Variants in GRID2 observed in about 807,000 individuals in gnomAD.
GRID2 encodes the protein glutamate receptor ionotropic, delta-2.
GRID2 carries 33 observed loss-of-function variants against 114.8 expected under a neutral mutation model. The ratio of observed to expected loss-of-function variants is 0.29; its 90% confidence interval spans 0.22 to 0.38. GRID2 has a LOEUF of 0.38. Ranked by LOEUF, GRID2 falls within the 10% of genes least tolerant of loss-of-function variation. The pLI is 1.00. For synonymous variants in GRID2, 505 were observed against 449.9 expected (o/e 1.12, Z -1.55); for missense variants, 1,184 against 1,257.7 (o/e 0.94, Z 0.89).
At chr4:93,485,837 C>T (rs1726336176) in intron 11 of GRID2, among the ~76,000 whole-genome samples, 3 of 151,626 alleles carry the variant, frequency 2.0e-5, no homozygotes, top group Non-Finnish European at 4.4e-5. Flanking sequence ...ACTTTTGCAA[C>T]TTCATATAAA....
intron 1 of GRID2, among the ~76,000 whole-genome samples, chr4:93,782,112 C>T (rs1380588683): frequency 6.6e-6 from 1 of 152,058 alleles, no homozygotes; most frequent in African/African-American, 2.4e-5. Context: ...TCCCACATGG[C>T]GAATACTCAG....
chr4:93,371,052 G>A (rs1049247957), intron 8 of GRID2, among the ~76,000 whole-genome samples: 2 of 152,148 alleles, frequency 1.3e-5, no homozygotes, highest in Non-Finnish European at 2.9e-5. Context: ...AGAGAAAGAT[G>A]CATTGAATCG....
intron 2 of GRID2, among the ~76,000 whole-genome samples, chr4:92,794,899 T>C (rs1365945117): frequency 6.6e-5 from 9 of 136,706 alleles, no homozygotes; most frequent in South Asian, 2.4e-4. Context: ...TATATATATA[T>C]ATATATACAC....
intron 11 of GRID2, among the ~76,000 whole-genome samples, chr4:93,482,532 C>T (rs1465085783): frequency 1.3e-5 from 2 of 151,554 alleles, no homozygotes; most frequent in Non-Finnish European, 2.9e-5. Flanking sequence ...CGGGGCGTGT[C>T]GAGGGTTGTG....
intron 14 of GRID2, among the ~76,000 whole-genome samples, chr4:93,758,191 C>T (rs958202811): frequency 7.2e-5 from 11 of 152,192 alleles, no homozygotes; most frequent in African/African-American, 2.4e-4. Context: ...AAATACAATA[C>T]ATCTAAAAAT....
At chr4:92,631,127 A>G (rs1433645562) in intron 2 of GRID2, among the ~76,000 whole-genome samples, 2 of 152,212 alleles carry the variant, frequency 1.3e-5, no homozygotes, top group Middle Eastern at 3.4e-3. Context: ...CAAAATTCAG[A>G]TATCTGCTAA....
intron 6 of GRID2, among the ~76,000 whole-genome samples, chr4:93,223,376 A>C (rs1316587839): frequency 6.6e-6 from 1 of 152,168 alleles, no homozygotes; most frequent in African/African-American, 2.4e-5. Flanking sequence ...ACAAACACAA[A>C]GGATTGAAGA....
At chr4:92,527,489 G>A (rs900900845) in intron 1 of GRID2, among the ~76,000 whole-genome samples, 2 of 152,062 alleles carry the variant, frequency 1.3e-5, no homozygotes, top group African/African-American at 4.8e-5. Flanking sequence ...GGAAGAAGTA[G>A]CAGGAAAAGG....
At chr4:92,622,606 A>G (rs926644494) in intron 2 of GRID2, among the ~76,000 whole-genome samples, 9 of 151,554 alleles carry the variant, frequency 5.9e-5, no homozygotes, top group Non-Finnish European at 1.3e-4. Flanking sequence ...TTTTTAAAAA[A>G]GATTTCCTAA....
intron 1 of GRID2, among the ~76,000 whole-genome samples, chr4:92,545,591 G>A (rs1289713493): frequency 6.6e-6 from 1 of 152,134 alleles, no homozygotes; most frequent in East Asian, 1.9e-4. Context: ...TTCAAAATGG[G>A]AGGCAGGTAA....
intron 13 of GRID2, among the ~76,000 whole-genome samples, chr4:93,588,773 A>T (rs1238133425): frequency 1.3e-5 from 2 of 152,172 alleles, no homozygotes; most frequent in South Asian, 2.1e-4. Context: ...GTTTAAAAAT[A>T]CTTGCATTCC....
chr4:93,446,981 T>G (rs747258554), intron 10 of GRID2, among the ~76,000 whole-genome samples: 1 of 151,712 alleles, frequency 6.6e-6, no homozygotes, highest in Non-Finnish European at 1.5e-5. Context: ...AACTCCAAAA[T>G]TTATATACAA....
At chr4:92,760,030 A>G (rs993505139) in intron 2 of GRID2, among the ~76,000 whole-genome samples, 2 of 151,304 alleles carry the variant, frequency 1.3e-5, no homozygotes, top group Admixed American at 6.6e-5. Flanking sequence ...TCACGAGGTC[A>G]GGAGTTCGAG....
At chr4:92,959,680 A>G (rs1212084748) in intron 2 of GRID2, among the ~76,000 whole-genome samples, 1 of 152,160 alleles carries the variant, frequency 6.6e-6, no homozygotes, top group Non-Finnish European at 1.5e-5. Context: ...CAGCCATAAA[A>G]AAGGATTAGT....
At chr4:92,416,103 A>T (rs1220474359) in intron 1 of GRID2, among the ~76,000 whole-genome samples, 1 of 151,970 alleles carries the variant, frequency 6.6e-6, no homozygotes, top group East Asian at 1.9e-4. Flanking sequence ...CCATTCTTGC[A>T]GGAAAAAGTT....
At chr4:93,623,534 C>A (rs4280703) in intron 13 of GRID2, among the ~76,000 whole-genome samples, 92,604 of 152,010 alleles carry the variant, frequency 0.61, 28,973 homozygotes, top group East Asian at 0.73. Context: ...ACACATGCAC[C>A]TGTATGTTTA....
At chr4:92,314,391 A>G (rs983678710) in intron 1 of GRID2, among the ~76,000 whole-genome samples, 6 of 152,206 alleles carry the variant, frequency 3.9e-5, no homozygotes, top group African/African-American at 1.4e-4. Flanking sequence ...TTGTTATAAT[A>G]GACAAATTTA....
intron 2 of GRID2, among the ~76,000 whole-genome samples, chr4:92,754,391 C>T (rs1458418237): frequency 6.6e-6 from 1 of 152,052 alleles, no homozygotes; most frequent in Non-Finnish European, 1.5e-5. Flanking sequence ...GATAGACGAT[C>T]CCAGGTAATA....
chr4:93,404,455 T>A (rs1283068784), intron 9 of GRID2, among the ~76,000 whole-genome samples: 1 of 152,118 alleles, frequency 6.6e-6, no homozygotes, highest in African/African-American at 2.4e-5. Flanking sequence ...CTGCCTATGT[T>A]TAAATCCCCA....
Sources: gnomAD v4.1 joint callset for allele counts (sites outside exome capture counted in the v4.1 genomes callset) on GRCh38, gnomAD v4.1.1 for gene constraint, MANE v1.5 for transcripts, NCBI Gene and HGNC (gene_info 2026-07-23, HGNC 2026-07-21) for gene names.